The following FREM1 variants were observed in gnomAD, a reference collection of about 807,000 sequenced individuals.
FREM1 encodes FRAS1-related extracellular matrix protein 1.
FREM1 carries 220 observed loss-of-function variants against 210.1 expected under a neutral mutation model. The ratio of observed to expected loss-of-function variants is 1.05; its 90% CI spans 0.94 to 1.17. FREM1 has a LOEUF of 1.17. Among genes scored for constraint, FREM1 ranks in the 50% most tolerant of loss-of-function variants. The pLI is 0.00. For missense variants in FREM1, 3,454 were observed against 2,675.5 expected (o/e 1.29, Z -6.42); for synonymous variants, 1,189 against 980.2 (o/e 1.21, Z -3.98).
intron 36 of FREM1, among the ~76,000 whole-genome samples, chr9:14,738,731 C>T (rs1840862513): frequency 6.6e-6 from 1 of 151,998 alleles, no homozygotes; most frequent in Non-Finnish European, 1.5e-5. Flanking sequence ...GTCATTTGGC[C>T]GGGTGCGGTG....
chr9:14,803,215 C>A, intron 19 of FREM1, among the ~76,000 whole-genome samples: 2 of 128,430 alleles, frequency 1.6e-5, no homozygotes, highest in Admixed American at 1.6e-4. Context: ...TCTTCTTTCT[C>A]TTTTCTTTCT....
upstream of FREM1, among the ~76,000 whole-genome samples, chr9:14,910,601 C>T (rs1190456394): frequency 6.6e-6 from 1 of 152,046 alleles, no homozygotes; most frequent in African/African-American, 2.4e-5. Flanking sequence ...GATAGACACA[C>T]AATCACCACA....
At position 14,759,518 on chromosome 9, in the gene FREM1, C is replaced by CAATAATAATAAT. The variant is rs6150928; in HGVS notation, c.5334+242_5334+253dup. ...AGAGCGAGACTTTGTCTCAAAATAA[C>CAATAATAATAAT]AATAATAATAATAATATCTCTTGTG... On this transcript the variant is annotated intron_variant, in intron 28 of 36. Coordinates refer to ENST00000380880, the MANE Select transcript of FREM1 (RefSeq NM_001379081.2). Among the ~76,000 whole-genome samples the CAATAATAATAAT allele has an allele frequency of 2.0e-3, 279 of 143,040 alleles. 1 individual carries two copies. Among genetic ancestry groups the CAATAATAATAAT allele is most frequent in the African/African-American group, 4.9e-3 (193 of 39,064 alleles). 93.8% of individuals were successfully genotyped at this position (143,040 alleles called of 152,430 possible).
intron 1 of FREM1, among the ~76,000 whole-genome samples, chr9:14,882,349 G>A (rs538026102): frequency 1.3e-5 from 2 of 152,116 alleles, no homozygotes; most frequent in African/African-American, 4.8e-5. Context: ...CAAGAGAAGA[G>A]AGGAGATATC....
chr9:14,804,571 C>T (rs1370324678), intron 19 of FREM1, among the ~76,000 whole-genome samples: 1 of 152,048 alleles, frequency 6.6e-6, no homozygotes, highest in Non-Finnish European at 1.5e-5. Context: ...GGCGACAGAG[C>T]GGGACTCCAT....
In FREM1 at chr9:14,805,076, A is replaced by G; in HGVS notation, c.3351T>C (p.Thr1117=). 1 of 1,613,418 alleles carries G rather than the reference A, an allele frequency of 6.2e-7. No individual in the cohort carries two copies. Residue 1117 remains threonine (T), a synonymous_variant, in exon 19 of 37, where the codon ACT becomes ACC. Transcript: ENST00000380880. ...TGACGTACACCGTGAACTGGTCGGC[A>G]GTTGGTTCTATCCTCAGATGCCTGG... ...VQSRHLRIEP[T]ADQFTVYVTD... is the part of the protein sequence containing the mutation.
chr9:14,769,907 C>T (rs1847221017), intron 26 of FREM1, 39 bp from the exon 27 acceptor site: 2 of 1,035,246 alleles, frequency 1.9e-6, no homozygotes, highest in Non-Finnish European at 2.8e-6. Context: ...GGTAATCAAA[C>T]AAAACATTAA....
chr9:14,792,836 A>C lies in FREM1; in HGVS notation c.3888T>G (p.Ser1296Arg), dbSNP rs764899314. ...CTTCATCTATGGCTGAAAGAATAGC[A>C]CTGGAAATAATACGAGTTTCACCCA... ...MNMGETRIISSAILSAIDEDS... is the reference protein window; with the variant it reads ...MNMGETRIISRAILSAIDEDS... Residue 1296 changes from serine to arginine, a missense_variant, in exon 22 of 37, where the codon AGT (serine) becomes AGG (arginine). Ser to Arg is a moderately radical substitution (Grantham distance 110). Transcript: ENST00000380880. The C allele has an allele frequency of 6.9e-6, 11 of 1,600,052 alleles. 1 individual carries two copies. The highest frequency in any genetic ancestry group is 3.3e-4 in the Middle Eastern group (2 of 6,044).
intron 18 of FREM1, among the ~76,000 whole-genome samples, chr9:14,806,188 G>A (rs1367711363): frequency 4.6e-5 from 7 of 151,838 alleles, no homozygotes; most frequent in African/African-American, 1.7e-4. Context: ...ATGAAAAATG[G>A]TAAGATTCAA....
In FREM1 at chr9:14,859,425, G is replaced by C; in HGVS notation, c.389C>G (p.Pro130Arg). ...TFILWVYLLE[P>R]DCNIIHMSNN... ...ACTCATATGGATGATGTTACAGTCT[G>C]GTTCCAGGAGATAGACCCACAGGAT... Residue 130 changes from proline (P) to arginine (R), a missense_variant, in exon 4 of 37, where the codon CCA becomes CGA. By Grantham distance (103) the Pro-to-Arg change is moderately radical. Transcript: ENST00000380880. 6.2e-7 allele frequency: 1 copy of C among 1,613,874 alleles called. No individual in the cohort carries two copies. The highest frequency in any genetic ancestry group is 8.5e-7 in the Non-Finnish European group (1 of 1,179,764).
chr9:14,873,955 A>G (rs899871413), intron 1 of FREM1, among the ~76,000 whole-genome samples: 2 of 152,066 alleles, frequency 1.3e-5, no homozygotes, highest in Admixed American at 1.3e-4. Context: ...CAGGTTGTTC[A>G]GTTTCCATGT....
chr9:14,784,249 G>T (rs951947649), intron 24 of FREM1, 121 bp downstream of exon 24: 6 of 851,772 alleles, frequency 7.0e-6, no homozygotes, highest in South Asian at 2.7e-5. Context: ...GGTATACAGC[G>T]TGATGTTATA....
chr9:14,754,057 G>A (rs1587719405), intron 29 of FREM1, among the ~76,000 whole-genome samples: 1 of 152,144 alleles, frequency 6.6e-6, no homozygotes, highest in East Asian at 1.9e-4. Flanking sequence ...CTCTTGTAGT[G>A]TGACACGTTC....
At chr9:14,780,251 C>G (rs1849434278) in intron 24 of FREM1, among the ~76,000 whole-genome samples, 1 of 151,980 alleles carries the variant, frequency 6.6e-6, no homozygotes, top group Non-Finnish European at 1.5e-5. Context: ...GACCACCGCT[C>G]TCATGAAATT....
Position 14,816,883 on chromosome 9 carries a change from AT to A in FREM1, c.2547-13del. ...CATCATGTTGATACCTGTGGGGATAATATTTGTCACCAACCTCTTAGGAACA... is the reference window on the plus strand; with the variant it reads ...CATCATGTTGATACCTGTGGGGATAAATTTGTCACCAACCTCTTAGGAACA... On this transcript the variant is annotated splice_polypyrimidine_tract_variant and intron_variant, in intron 14 of 36. Coordinates refer to ENST00000380880, the MANE Select transcript of FREM1 (RefSeq NM_001379081.2). 8.8e-7 allele frequency: 1 copy of A among 1,137,010 alleles called. No individual in the cohort carries two copies. The highest frequency in any genetic ancestry group is 1.2e-6 in the Non-Finnish European group (1 of 819,420). 70.4% of individuals were successfully genotyped at this position (1,137,010 alleles called of 1,614,324 possible).
chr9:14,781,551 G>C (rs1849645831), intron 24 of FREM1, among the ~76,000 whole-genome samples: 1 of 152,090 alleles, frequency 6.6e-6, no homozygotes. Flanking sequence ...TAAAAAATTT[G>C]TTTTCTTATA....
intron 1 of FREM1, among the ~76,000 whole-genome samples, chr9:14,875,837 T>G (rs1356851939): frequency 1.3e-5 from 2 of 151,958 alleles, no homozygotes; most frequent in Non-Finnish European, 2.9e-5. Flanking sequence ...TGATGGTGAT[T>G]TACAGATGGG....
chr9:14,753,203 T>C (rs1301972578), intron 29 of FREM1, among the ~76,000 whole-genome samples: 1 of 152,128 alleles, frequency 6.6e-6, no homozygotes, highest in East Asian at 1.9e-4. Context: ...AAAACAGAGG[T>C]GTCATTTTAT....
chr9:14,860,572 C>CATATATATATAGACAT (rs759870876), intron 3 of FREM1, among the ~76,000 whole-genome samples: 1 of 88,020 alleles, frequency 1.1e-5, no homozygotes, highest in African/African-American at 4.8e-5. Context: ...TATATATACA[C>CATATATATATAGACAT]ATATATATAC....
Sources: gnomAD v4.1 joint callset for allele counts (sites outside exome capture counted in the v4.1 genomes callset) on GRCh38, gnomAD v4.1.1 for gene constraint, MANE v1.5 for transcripts, NCBI Gene and HGNC (gene_info 2026-07-23, HGNC 2026-07-21) for gene names.